Variants in KCTD3 observed in about 807,000 individuals in gnomAD.
KCTD3 encodes potassium channel tetramerization domain containing 3.
A neutral mutation model predicts 85.8 loss-of-function variants in KCTD3; 41 were observed. The ratio of observed to expected loss-of-function variants is 0.48; its 90% CI spans 0.37 to 0.62. The LOEUF (loss-of-function observed/expected upper bound fraction) is 0.62, where lower values mean the gene tolerates loss of function less well. KCTD3 is among the 20% of genes least tolerant of loss of function. The probability of loss-of-function intolerance (pLI) is 0.00; values close to 1 mark genes in which losing one functional copy is unlikely to be tolerated. For synonymous variants in KCTD3, 338 were observed against 345.4 expected (o/e 0.98, Z 0.24); for missense variants, 724 against 989.9 (o/e 0.73, Z 3.60).
At chr1:215,568,846 T>C (rs1659254833) in intron 1 of KCTD3, among the ~76,000 whole-genome samples, 1 of 152,158 alleles carries the variant, frequency 6.6e-6, no homozygotes, top group South Asian at 2.1e-4. Context: ...TCTTAGGGTT[T>C]TTCCTCTTCC....
rs1482871444 is a variant in KCTD3, at chr1:215,579,101, G to A, written c.499G>A (p.Val167Ile). Residue 167 changes from valine to isoleucine, a missense_variant, in exon 7 of 18, where the codon GTT becomes ATT. Transcript: ENST00000259154. ...AGCCCGGGGAAATGGTACACAGCCT[G>A]TTCTCTCTGGAACGGGAGAAGAAAC... ...GEARGNGTQP[V>I]LSGTGEETVR... is the part of the protein sequence containing the mutation. The A allele has an allele frequency of 1.2e-6, 2 of 1,609,170 alleles. No individual in the cohort carries two copies. The highest frequency in any genetic ancestry group is 1.7e-6 in the Non-Finnish European group (2 of 1,178,260).
rs184401571 is a variant in KCTD3 at position 215,621,061 on chromosome 1, T to C, written c.*443T>C. On this transcript the variant is annotated 3_prime_UTR_variant, in exon 18 of 18. Coordinates refer to ENST00000259154, the MANE Select transcript of KCTD3 (RefSeq NM_016121.5). Reference sequence around the variant, plus strand: ...TTGGAACTTGGTCTCCCAACACTTATTGTGATTGCAAAGTGTTTACCAGAT... The same window carrying C: ...TTGGAACTTGGTCTCCCAACACTTACTGTGATTGCAAAGTGTTTACCAGAT... 1.3e-4 allele frequency: 21 copies of C among 163,432 alleles called. No homozygotes were observed. Among genetic ancestry groups the C allele is most frequent in the South Asian group, 2.0e-4 (1 of 4,946 alleles). 10.1% of individuals were successfully genotyped at this position (163,432 alleles called of 1,614,324 possible).
intron 1 of KCTD3, 39 bp downstream of exon 1, chr1:215,567,807 TGGC>T: frequency 1.7e-6 from 2 of 1,194,300 alleles, no homozygotes; most frequent in Non-Finnish European, 2.1e-6. Context: ...GGGGATGCCT[TGGC>T]GGCCTCCTCC....
At position 215,602,138 on chromosome 1, in the gene KCTD3, C is replaced by CATGA; in HGVS notation, c.1075_1076insATGA (p.Leu359HisfsTer5). On this transcript the variant is annotated frameshift_variant, in exon 12 of 18. Transcript: ENST00000259154. LOFTEE classifies it high-confidence loss of function. ...AGATAATGATCTTCTTGTAACTGAA[C>CATGA]TGTATCATGATCCTTCAAATGATGC... 1.2e-6 allele frequency: 2 copies of CATGA among 1,611,734 alleles called. No homozygotes were observed.
Position 215,595,373 on chromosome 1 carries a change from G to A in KCTD3, c.835G>A (p.Val279Ile), listed in dbSNP as rs773228160. Residue 279 changes from valine to isoleucine, a missense_variant, in exon 10 of 18, where the codon GTT (valine) becomes ATT (isoleucine). Transcript: ENST00000259154. ...GSEIGVFSLG[V>I]PVDALFFIGN... The stretch of plus-strand genomic sequence containing the variant: ...CATTTAAGGAGTGTTCAGCCTGGGT[G>A]TTCCTGTAGATGCTCTCTTCTTTAT... 3.1e-6 allele frequency: 5 copies of A among 1,610,226 alleles called. No individual in the cohort carries two copies. The highest frequency in any genetic ancestry group is 1.1e-5 in the South Asian group (1 of 90,938).
intron 13 of KCTD3, among the ~76,000 whole-genome samples, chr1:215,607,807 G>A (rs919424738): frequency 1.3e-5 from 2 of 151,826 alleles, no homozygotes; most frequent in Non-Finnish European, 2.9e-5. Context: ...GGATCTGTAG[G>A]TTTACTTAAT....
At position 215,579,096 on chromosome 1, in the gene KCTD3, A is replaced by G. The variant is rs1252152014; in HGVS notation, c.494A>G (p.Gln165Arg). The change falls in exon 7 of 18, where the codon CAG becomes CGG. Residue 165 changes from glutamine to arginine, a missense_variant. Gln to Arg is a conservative substitution (Grantham distance 43). Coordinates refer to ENST00000259154, the MANE Select transcript of KCTD3 (RefSeq NM_016121.5). ...GGTGAAGCCCGGGGAAATGGTACAC[A>G]GCCTGTTCTCTCTGGAACGGGAGAA... ...TEGEARGNGT[Q>R]PVLSGTGEET... 6.2e-7 allele frequency: 1 copy of G among 1,608,766 alleles called. No homozygotes were observed. The highest frequency in any genetic ancestry group is 8.5e-7 in the Non-Finnish European group (1 of 1,178,224).
rs561811750 is a variant in KCTD3 at position 215,615,405 on chromosome 1, G to T, written c.1563-3481G>T. ...GGAGGCCGAGGCGGGCAGATCACAA[G>T]GTCAGGAGATTGAGACCATCCTGGC... On this transcript the variant is annotated intron_variant, in intron 15 of 17. Transcript: ENST00000259154. 2.0e-5 allele frequency among the ~76,000 whole-genome samples: 3 copies of T among 152,268 alleles called. No homozygotes were observed. In the South Asian group the frequency reaches 6.2e-4, roughly 32 times the overall value.
intron 10 of KCTD3, 91 bp downstream of exon 10, chr1:215,595,562 T>G: frequency 1.2e-6 from 1 of 807,954 alleles, no homozygotes; most frequent in South Asian, 2.0e-5. Flanking sequence ...TCGTACTGTT[T>G]CTGGTTTTGG....
chr1:215,597,211 T>C (rs933207705), intron 10 of KCTD3, among the ~76,000 whole-genome samples: 11 of 151,488 alleles, frequency 7.3e-5, no homozygotes, highest in African/African-American at 1.9e-4. Context: ...GCGTTGACTC[T>C]GATTTGGGTA....
intron 9 of KCTD3, among the ~76,000 whole-genome samples, chr1:215,587,915 A>C (rs533947163): frequency 3.3e-4 from 50 of 152,326 alleles, no homozygotes; most frequent in Non-Finnish European, 6.3e-4. Context: ...AGTTATGTAG[A>C]TCTACCAAAT....
intron 15 of KCTD3, chr1:215,618,250 A>G (rs1655528904): frequency 5.6e-5 from 20 of 357,226 alleles, no homozygotes; most frequent in South Asian, 4.4e-4. Flanking sequence ...CTTGAGCTCA[A>G]GAATGAGACT....
chr1:215,586,183 T>G (rs955346001), intron 8 of KCTD3, among the ~76,000 whole-genome samples: 4 of 152,220 alleles, frequency 2.6e-5, no homozygotes, highest in African/African-American at 2.4e-5. Flanking sequence ...CTATCTTTTT[T>G]TAAAGTTTCT....
At chr1:215,605,686 A>G (rs1304487264) in intron 13 of KCTD3, among the ~76,000 whole-genome samples, 1 of 152,144 alleles carries the variant, frequency 6.6e-6, no homozygotes, top group Admixed American at 6.6e-5. Context: ...CTCAAAAGCC[A>G]TCTTAGTATA....
At position 215,573,634 on chromosome 1, in the gene KCTD3, G is replaced by A. The variant is rs538003961; in HGVS notation, c.84-152G>A. The A allele has an allele frequency of 5.1e-5, 24 of 474,538 alleles. No homozygotes were observed. In the South Asian group the frequency reaches 5.3e-4, roughly 11 times the overall value. The allele number at this position is 474,538 out of a possible 1,614,324, so 29.4% of individuals were successfully genotyped here. On this transcript the variant is annotated intron_variant, in intron 1 of 17. Transcript: ENST00000259154. Reference sequence around the variant, plus strand: ...TTAACTCTGAATTGAAAGTAGCAACGTTTAAAAATATTAACTGTAATAAAT... The same window carrying A: ...TTAACTCTGAATTGAAAGTAGCAACATTTAAAAATATTAACTGTAATAAAT...
intron 8 of KCTD3, among the ~76,000 whole-genome samples, chr1:215,584,913 G>A (rs1013141445): frequency 2.6e-5 from 4 of 152,176 alleles, no homozygotes; most frequent in Admixed American, 2.0e-4. Flanking sequence ...TTGTTTATAA[G>A]AGTATACTTT....
At position 215,618,997 on chromosome 1, in the gene KCTD3, C is replaced by G. The variant is rs1449545943; in HGVS notation, c.1674C>G (p.Gly558=). 3 of 1,613,670 alleles carry G rather than the reference C, an allele frequency of 1.9e-6. No individual in the cohort carries two copies. The highest frequency in any genetic ancestry group is 1.7e-5 in the Admixed American group (1 of 59,956). ...GACCAAGGCGCTACTTGTTCACAGG[C>G]CATACAAATGGCAGTATTCAAATGT... The part of the protein sequence containing the change: ...GSRPRRYLFT[G]HTNGSIQMWD... Residue 558 remains glycine (G), a synonymous_variant, in exon 16 of 18, where the codon GGC becomes GGG. Coordinates refer to ENST00000259154, the MANE Select transcript of KCTD3 (RefSeq NM_016121.5).
chr1:215,574,155 A>G (rs1362377615), intron 3 of KCTD3, 37 bp downstream of exon 3: 3 of 1,314,008 alleles, frequency 2.3e-6, no homozygotes, highest in Non-Finnish European at 3.3e-6. Flanking sequence ...TTCCTAAATT[A>G]ATGCTTATAG....
intron 9 of KCTD3, among the ~76,000 whole-genome samples, chr1:215,587,371 C>T (rs139068255): frequency 0.016 from 2,441 of 152,122 alleles, 58 homozygotes; most frequent in African/African-American, 0.043. Context: ...TCTTGTGATC[C>T]GCCCACCTCG....
Sources: allele counts gnomAD v4.1 joint callset (sites outside exome capture counted in the v4.1 genomes callset), GRCh38; gene constraint gnomAD v4.1.1; transcripts MANE v1.5; gene names NCBI Gene and HGNC (gene_info 2026-07-23, HGNC 2026-07-21).